CCNJL: variants seen among roughly 807,000 people sequenced by gnomAD.
The protein encoded by CCNJL is cyclin-J-like protein.
CCNJL carries 33 observed loss-of-function variants against 33.4 expected under a neutral mutation model. The observed-to-expected ratio is 0.99, with a 90% CI of 0.75 to 1.32. The LOEUF (loss-of-function observed/expected upper bound fraction) is 1.32, where lower values mean the gene tolerates loss of function less well. Ranked by LOEUF, CCNJL falls within the 40% of genes most tolerant of loss-of-function variation. CCNJL has a pLI of 0.00. For missense variants in CCNJL, 512 were observed against 499.7 expected (o/e 1.02, Z -0.23); for synonymous variants, 227 against 220.9 (o/e 1.03, Z -0.24).
chr5:160,277,522 T>C (rs933748136), intron 3 of CCNJL, among the ~76,000 whole-genome samples: 2 of 152,218 alleles, frequency 1.3e-5, no homozygotes, highest in Non-Finnish European at 2.9e-5. Flanking sequence ...ACTATATTTA[T>C]GGTAGAGTTC....
At chr5:160,323,003 G>A (rs1218664588) in intron 1 of CCNJL, among the ~76,000 whole-genome samples, 7 of 151,656 alleles carry the variant, frequency 4.6e-5, no homozygotes, top group African/African-American at 1.7e-4. Context: ...GGGAGGCTGA[G>A]GCGGGTGGAT....
intron 2 of CCNJL, among the ~76,000 whole-genome samples, chr5:160,296,224 T>C (rs1157375701): frequency 1.3e-5 from 2 of 152,224 alleles, no homozygotes; most frequent in Non-Finnish European, 2.9e-5. Context: ...CCAGATAACA[T>C]ACACAAGGCA....
chr5:160,310,767 T>C (rs972039385), intron 2 of CCNJL, among the ~76,000 whole-genome samples: 12 of 152,226 alleles, frequency 7.9e-5, no homozygotes, highest in Middle Eastern at 3.4e-3. Context: ...GACAGACAGA[T>C]AGCACCATGT....
intron 1 of CCNJL, among the ~76,000 whole-genome samples, chr5:160,332,552 G>A (rs190288281): frequency 1.3e-5 from 2 of 152,108 alleles, no homozygotes; most frequent in Admixed American, 1.3e-4. Context: ...CTTCTCCCAC[G>A]GTCCCCACCC....
intron 4 of CCNJL, chr5:160,258,510 G>T: frequency 6.7e-7 from 1 of 1,485,444 alleles, no homozygotes; most frequent in Non-Finnish European, 9.4e-7. Context: ...AATATGAAGA[G>T]GAAAATTTCT....
chr5:160,320,632 C>T (rs959580400), intron 1 of CCNJL, among the ~76,000 whole-genome samples: 1 of 152,190 alleles, frequency 6.6e-6, no homozygotes, highest in Non-Finnish European at 1.5e-5. Flanking sequence ...TGGGGAGCCC[C>T]TTCTGCATCC....
At chr5:160,257,848 ATTTT>A (rs759060228) in intron 4 of CCNJL, among the ~76,000 whole-genome samples, 1 of 141,190 alleles carries the variant, frequency 7.1e-6, no homozygotes. Flanking sequence ...ACAATCACTG[ATTTT>A]TTTTTTTTTT....
intron 1 of CCNJL, among the ~76,000 whole-genome samples, chr5:160,336,162 A>G (rs1055468674): frequency 6.6e-6 from 1 of 152,226 alleles, no homozygotes; most frequent in Non-Finnish European, 1.5e-5. Flanking sequence ...AGACTCATAC[A>G]TTCAACTACC....
intron 1 of CCNJL, among the ~76,000 whole-genome samples, chr5:160,329,107 C>G (rs1301315809): frequency 6.6e-6 from 1 of 152,090 alleles, no homozygotes; most frequent in Non-Finnish European, 1.5e-5. Flanking sequence ...AGCTAGGAGC[C>G]AAGCCACAGT....
chr5:160,290,495 T>A (rs542415284), intron 2 of CCNJL, among the ~76,000 whole-genome samples: 1 of 152,260 alleles, frequency 6.6e-6, no homozygotes, highest in African/African-American at 2.4e-5. Flanking sequence ...CTCGAACTCC[T>A]GACTTCAAGT....
At chr5:160,260,422 G>A (rs965028931) in intron 3 of CCNJL, among the ~76,000 whole-genome samples, 1 of 152,142 alleles carries the variant, frequency 6.6e-6, no homozygotes, top group African/African-American at 2.4e-5. Flanking sequence ...GGACACAAGC[G>A]AGTCACCACT....
intron 3 of CCNJL, chr5:160,269,343 G>A (rs1761736083): frequency 2.2e-6 from 1 of 448,984 alleles, no homozygotes; most frequent in African/African-American, 2.0e-5. Flanking sequence ...CCGAATAGCT[G>A]GCATCTGGGG....
chr5:160,282,980 T>TATATATATAC (rs1436531111), intron 2 of CCNJL, among the ~76,000 whole-genome samples: 24 of 71,192 alleles, frequency 3.4e-4, no homozygotes, highest in Non-Finnish European at 5.7e-4. Flanking sequence ...TATATATATA[T>TATATATATAC]ATATATATAT....
chr5:160,315,171 T>C (rs1387347810), upstream of CCNJL, among the ~76,000 whole-genome samples: 1 of 152,180 alleles, frequency 6.6e-6, no homozygotes, highest in Non-Finnish European at 1.5e-5. Context: ...GTTTATAATT[T>C]ATTAAATAAA....
intron 2 of CCNJL, among the ~76,000 whole-genome samples, chr5:160,282,976 T>C (rs1219259145): frequency 2.8e-4 from 14 of 49,818 alleles, no homozygotes; most frequent in African/African-American, 6.7e-4. Context: ...AATATATATA[T>C]ATATATATAT....
intron 1 of CCNJL, among the ~76,000 whole-genome samples, chr5:160,329,562 G>A (rs1763581595): frequency 6.6e-6 from 1 of 152,050 alleles, no homozygotes. Flanking sequence ...TGTTAGCCAG[G>A]ATGATCTCGA....
intron 2 of CCNJL, among the ~76,000 whole-genome samples, chr5:160,283,006 T>TATATATATAC (rs1762286577): frequency 5.2e-5 from 3 of 57,502 alleles, no homozygotes; most frequent in African/African-American, 8.2e-5. Context: ...TATATATATA[T>TATATATATAC]ATACATATAT....
Position 160,253,287 on chromosome 5 carries a change from T to A in CCNJL, c.*91A>T. 7.6e-7 allele frequency: 1 copy of A among 1,315,902 alleles called. No homozygotes were observed. The highest frequency in any genetic ancestry group is 1.0e-6 in the Non-Finnish European group (1 of 968,142). 81.5% of individuals were successfully genotyped at this position (1,315,902 alleles called of 1,614,324 possible). A position where few individuals can be genotyped will look rare whatever the true frequency, so the allele number is the denominator to read the frequency against. On this transcript the variant is annotated 3_prime_UTR_variant, in exon 6 of 6. Transcript: ENST00000257536. ...GTTCCAAGGCTCTTCAGGGATGGCC[T>A]CCTGCTGCCTCACTTGGCTGAGCTC...
intron 2 of CCNJL, among the ~76,000 whole-genome samples, chr5:160,295,119 G>T (rs1328362072): frequency 6.6e-6 from 1 of 152,214 alleles, no homozygotes; most frequent in East Asian, 1.9e-4. Flanking sequence ...TTTAAAAAGG[G>T]GGTTCCCCCC....
Sources: gnomAD v4.1 joint callset for allele counts (sites outside exome capture counted in the v4.1 genomes callset) on GRCh38, gnomAD v4.1.1 for gene constraint, MANE v1.5 for transcripts, NCBI Gene and HGNC (gene_info 2026-07-23, HGNC 2026-07-21) for gene names.